The following INSL6 variants were observed in gnomAD, a reference collection of about 807,000 sequenced individuals.
INSL6 encodes the protein insulin-like peptide INSL6.
In INSL6, 16 loss-of-function variants were observed where a neutral mutation model predicts 9.4. The ratio of observed to expected loss-of-function variants is 1.70; its 90% CI spans 1.15 to 2.59. The LOEUF (loss-of-function observed/expected upper bound fraction) is 2.59, where lower values mean the gene tolerates loss of function less well. Ranked by LOEUF, INSL6 falls within the 30% of genes most tolerant of loss-of-function variation. The pLI is 0.00. For synonymous variants in INSL6, 154 were observed against 96.9 expected, an observed-to-expected ratio of 1.59 and a Z score of -3.46; for missense variants, 391 against 257.3, an observed-to-expected ratio of 1.52 and a Z score of -3.56.
chr9:5,179,485 C>G (rs1427662109), intron 1 of INSL6, among the ~76,000 whole-genome samples: 2 of 148,692 alleles, frequency 1.3e-5, no homozygotes, highest in Non-Finnish European at 2.9e-5. Context: ...CCCAGCAATC[C>G]ATTACTGGGT....
chr9:5,111,177 T>C, the INSL6 span: 5 of 710,572 alleles, frequency 7.0e-6, no homozygotes, highest in Admixed American at 6.3e-5. Flanking sequence ...GCAGCCACTC[T>C]CCATTCACAT....
chr9:5,176,744 T>G (rs1257620524), intron 1 of INSL6, among the ~76,000 whole-genome samples: 2 of 151,076 alleles, frequency 1.3e-5, no homozygotes, highest in African/African-American at 4.9e-5. Flanking sequence ...TGGTATAAGT[T>G]TAGCAAGAAA....
chr9:5,054,820 C>G, the INSL6 span: 10 of 1,612,330 alleles, frequency 6.2e-6, no homozygotes, highest in Admixed American at 1.7e-5. This position sits in a 1 kb window ranked among gnomAD's most constrained non-coding sequence, Gnocchi z 4.9. Flanking sequence ...ATTATAATAA[C>G]TGGAAACGGT....
At chr9:5,040,582 T>C in the INSL6 span, among the ~76,000 whole-genome samples, 331 of 152,362 alleles carry the variant, frequency 2.2e-3, no homozygotes, top group Non-Finnish European at 4.0e-3. Context: ...AATTGTCTTA[T>C]CTCCAGAATA....
the INSL6 span, chr9:5,070,010 C>G: frequency 5.0e-6 from 8 of 1,607,466 alleles, no homozygotes; most frequent in Non-Finnish European, 6.8e-6. Context: ...CTCATATGAA[C>G]CAAATGGTGT....
chr9:4,997,557 G>C, the INSL6 span, among the ~76,000 whole-genome samples: 1 of 152,148 alleles, frequency 6.6e-6, no homozygotes, highest in African/African-American at 2.4e-5. Context: ...CCACCCCCAT[G>C]ATCAAGTCAC....
At chr9:4,999,719 G>A in the INSL6 span, among the ~76,000 whole-genome samples, 1 of 152,208 alleles carries the variant, frequency 6.6e-6, no homozygotes, top group Non-Finnish European at 1.5e-5. Flanking sequence ...AAAGTGCTAG[G>A]ATTACAGGCG....
intron 1 of INSL6, among the ~76,000 whole-genome samples, chr9:5,165,038 T>C (rs892663127): frequency 1.4e-4 from 22 of 152,168 alleles, no homozygotes; most frequent in African/African-American, 5.3e-4. Context: ...CGAAACCCTG[T>C]CTCTACTAAA....
downstream of INSL6, among the ~76,000 whole-genome samples, chr9:5,120,832 T>G (rs1239762205): frequency 6.6e-6 from 1 of 152,168 alleles, no homozygotes; most frequent in African/African-American, 2.4e-5. Context: ...ATTTTCAAAT[T>G]GAGCAGCTAA....
At chr9:5,119,640 G>T (rs189958691), downstream of INSL6, among the ~76,000 whole-genome samples, 1 of 152,242 alleles carries the variant, frequency 6.6e-6, no homozygotes, top group East Asian at 1.9e-4. Context: ...AACTTATGAA[G>T]TAAGGTATAT....
At chr9:5,066,670 A>T in the INSL6 span, 1 of 1,494,710 alleles carries the variant, frequency 6.7e-7, no homozygotes, top group East Asian at 2.3e-5. Context: ...CTTCTTCTTT[A>T]CCTTTAGGAT....
At chr9:5,123,019 A>G (rs368100217), downstream of INSL6, 1 of 1,610,162 alleles carries the variant, frequency 6.2e-7, no homozygotes, top group African/African-American at 1.3e-5. Context: ...CTCCAGAATC[A>G]CTGACAGAGA....
At chr9:5,136,001 T>C (rs184486861) in intron 2 of INSL6, among the ~76,000 whole-genome samples, 7 of 152,204 alleles carry the variant, frequency 4.6e-5, no homozygotes, top group East Asian at 1.9e-4. Context: ...AACACCTCTA[T>C]GCAAATAAAC....
chr9:5,030,539 G>A, the INSL6 span, among the ~76,000 whole-genome samples: 6 of 152,006 alleles, frequency 3.9e-5, no homozygotes, highest in Non-Finnish European at 7.4e-5. Flanking sequence ...CCACATTAAA[G>A]ATAAAGAATT....
At chr9:5,012,579 C>T in the INSL6 span, among the ~76,000 whole-genome samples, 1 of 151,816 alleles carries the variant, frequency 6.6e-6, no homozygotes, top group Admixed American at 6.6e-5. Flanking sequence ...CTGGAGATCC[C>T]GAAATTATAC....
At chr9:5,077,336 T>G in the INSL6 span, 2 of 361,042 alleles carry the variant, frequency 5.5e-6, no homozygotes, top group African/African-American at 2.1e-5. Context: ...GTTGTGAGTT[T>G]TGCCAATTTA....
At chr9:5,042,293 G>A in the INSL6 span, among the ~76,000 whole-genome samples, 16 of 151,466 alleles carry the variant, frequency 1.1e-4, no homozygotes, top group Middle Eastern at 3.4e-3. Flanking sequence ...GCCCGCCACC[G>A]CGCCCGGCTA....
the INSL6 span, among the ~76,000 whole-genome samples, chr9:5,001,944 G>A: frequency 6.6e-6 from 1 of 151,838 alleles, no homozygotes; most frequent in Non-Finnish European, 1.5e-5. Context: ...AATCTAACTT[G>A]TTAAAGTCAT....
chr9:5,114,923 C>T, the INSL6 span: 2 of 181,214 alleles, frequency 1.1e-5, no homozygotes, highest in Non-Finnish European at 1.1e-5. Flanking sequence ...ATAAACAGTG[C>T]CTGCTCAGAA....
Sources: allele counts gnomAD v4.1 joint callset (sites outside exome capture counted in the v4.1 genomes callset), GRCh38; gene constraint gnomAD v4.1.1; non-coding constraint Gnocchi (gnomAD v3.1); transcripts MANE v1.5; gene names NCBI Gene and HGNC (gene_info 2026-07-23, HGNC 2026-07-21).